Variants in GPSM2 observed in about 807,000 individuals in gnomAD.
GPSM2 encodes the protein G protein-signaling modulator 2.
In GPSM2, 58 loss-of-function variants were observed where a neutral mutation model predicts 78.4. The observed-to-expected ratio is 0.74, with a 90% CI of 0.60 to 0.92. GPSM2 has a LOEUF of 0.92. GPSM2 is among the 40% of genes least tolerant of loss of function. GPSM2 has a pLI of 0.00. For missense variants in GPSM2, 700 were observed against 815.5 expected (o/e 0.86, Z 1.73); for synonymous variants, 224 against 280.2 (o/e 0.80, Z 2.00).
At position 108,925,007 on chromosome 1, in the gene GPSM2, CAGTG is replaced by C. The variant is rs1651016620; in HGVS notation, c.1815+796_1815+799del. Among the ~76,000 whole-genome samples the C allele has an allele frequency of 2.0e-5, 3 of 152,222 alleles. No homozygotes were observed. In the South Asian group the frequency reaches 6.2e-4, roughly 32 times the overall value. The stretch of plus-strand genomic sequence containing the variant: ...TTGGTGATATGGACTAGAGTGGTAA[CAGTG>C]AGAAGTAGTTAGCATAGGGCTACAT... On this transcript the variant is annotated intron_variant, in intron 14 of 14. Transcript: ENST00000264126.
At chr1:108,894,983 A>G in intron 2 of GPSM2, among the ~76,000 whole-genome samples, 1 of 151,618 alleles carries the variant, frequency 6.6e-6, no homozygotes, top group East Asian at 1.9e-4. Flanking sequence ...CAGCACTCAC[A>G]AAAACATGTT....
At position 108,930,036 on chromosome 1, in the gene GPSM2, C is replaced by A. The variant is rs905967634; in HGVS notation, c.*96C>A. On this transcript the variant is annotated 3_prime_UTR_variant, in exon 15 of 15. Coordinates refer to ENST00000264126, the MANE Select transcript of GPSM2 (RefSeq NM_013296.5). ...GAGAATTTATAGCACTGTAATACAG[C>A]TTAAAATATTTTTAGAATGATGTAA... 9.3e-7 allele frequency: 1 copy of A among 1,079,226 alleles called. No homozygotes were observed. Among genetic ancestry groups the A allele is most frequent in the African/African-American group, 1.6e-5 (1 of 63,392 alleles). 66.9% of individuals were successfully genotyped at this position (1,079,226 alleles called of 1,614,324 possible).
intron 10 of GPSM2, among the ~76,000 whole-genome samples, chr1:108,908,051 C>G (rs980419447): frequency 6.6e-6 from 1 of 152,324 alleles, no homozygotes; most frequent in East Asian, 1.9e-4. Context: ...TAAAATGAGT[C>G]TTATGAGTTG....
chr1:108,905,500 G>A (rs1307765956), intron 10 of GPSM2, among the ~76,000 whole-genome samples: 3 of 152,070 alleles, frequency 2.0e-5, no homozygotes, highest in Non-Finnish European at 2.9e-5. Context: ...ATTTCCTATA[G>A]CCAATCATTC....
At chr1:108,929,125 G>C (rs575569639) in intron 14 of GPSM2, among the ~76,000 whole-genome samples, 2 of 152,172 alleles carry the variant, frequency 1.3e-5, no homozygotes, top group African/African-American at 4.8e-5. Context: ...GGTATCTATT[G>C]CAACTGCCCA....
chr1:108,920,378 A>G (rs2101534953), intron 12 of GPSM2, among the ~76,000 whole-genome samples: 1 of 151,832 alleles, frequency 6.6e-6, no homozygotes, highest in South Asian at 2.1e-4. Flanking sequence ...CTGAGGCAGG[A>G]GAATTGCTTC....
intron 2 of GPSM2, among the ~76,000 whole-genome samples, chr1:108,889,205 C>T (rs546138607): frequency 3.3e-5 from 5 of 152,284 alleles, no homozygotes; most frequent in African/African-American, 1.2e-4. Context: ...CTCGAGAGTA[C>T]ACTGAACAAA....
chr1:108,916,304 ATTC>A (rs1650227126), intron 11 of GPSM2, among the ~76,000 whole-genome samples: 1 of 151,978 alleles, frequency 6.6e-6, no homozygotes, highest in Non-Finnish European at 1.5e-5. Context: ...GTCATTAAAT[ATTC>A]TTCTGCCCTA....
chr1:108,896,993 C>T lies in GPSM2; in HGVS notation c.186C>T (p.Ser62=), dbSNP rs199575734. ...GAACTGAAGACCTAAAAACACTTAG[C>T]GCTATTTACAGCCAGTTGGGCAATG... is the stretch of plus-strand genomic sequence containing the variant. The part of the protein sequence containing the change: ...QVGTEDLKTL[S]AIYSQLGNAY... The change falls in exon 3 of 15, where the codon AGC becomes AGT. Residue 62 remains serine, a synonymous_variant. Transcript: ENST00000264126. 2.1e-4 allele frequency: 338 copies of T among 1,613,760 alleles called. 4 individuals carry two copies. In the South Asian group the frequency reaches 3.2e-3, roughly 16 times the overall value.
At chr1:108,922,601 G>A (rs371998231) in intron 13 of GPSM2, 25 bp downstream of exon 13, 13 of 1,553,672 alleles carry the variant, frequency 8.4e-6, no homozygotes, top group African/African-American at 1.4e-5. Context: ...TTTCTCCCCC[G>A]ATTTTAATAG....
chr1:108,878,729 T>TA (rs1665749619), intron 1 of GPSM2, among the ~76,000 whole-genome samples: 1 of 152,220 alleles, frequency 6.6e-6, no homozygotes, highest in Non-Finnish European at 1.5e-5. Flanking sequence ...TAATAACAGT[T>TA]ACTGTTATTA....
chr1:108,892,869 G>T (rs1648069354), intron 2 of GPSM2, among the ~76,000 whole-genome samples: 1 of 152,112 alleles, frequency 6.6e-6, no homozygotes, highest in African/African-American at 2.4e-5. Flanking sequence ...ACCAGAGCCT[G>T]AATCTATCTA....
intron 10 of GPSM2, among the ~76,000 whole-genome samples, chr1:108,913,250 A>T (rs12038528): frequency 0.025 from 3,777 of 152,316 alleles, 79 homozygotes; most frequent in South Asian, 0.058. Flanking sequence ...GTTCATGTAC[A>T]CTGAGAGACG....
chr1:108,930,033 C>G lies in GPSM2; in HGVS notation c.*93C>G. The G allele has an allele frequency of 9.1e-7, 1 of 1,096,992 alleles. No individual in the cohort carries two copies. 68.0% of individuals were successfully genotyped at this position (1,096,992 alleles called of 1,614,324 possible). ...AAGGAGAATTTATAGCACTGTAATACAGCTTAAAATATTTTTAGAATGATG... is the reference window on the plus strand; with the variant it reads ...AAGGAGAATTTATAGCACTGTAATAGAGCTTAAAATATTTTTAGAATGATG... On this transcript the variant is annotated 3_prime_UTR_variant, in exon 15 of 15. Coordinates refer to ENST00000264126, the MANE Select transcript of GPSM2 (RefSeq NM_013296.5).
In GPSM2 at chr1:108,922,278, T is replaced by C. The variant is rs907155886; in HGVS notation, c.1441-139T>C. The C allele has an allele frequency of 1.5e-5, 10 of 656,290 alleles. No homozygotes were observed. In the South Asian group the frequency reaches 1.8e-4, roughly 12 times the overall value. The allele number at this position is 656,290 out of a possible 1,614,324, so 40.7% of individuals were successfully genotyped here. On this transcript the variant is annotated intron_variant, in intron 12 of 14. Coordinates refer to ENST00000264126, the MANE Select transcript of GPSM2 (RefSeq NM_013296.5). Reference sequence around the variant, plus strand: ...AACATTTTATTACCAATATTTGCCATCTTGTATTCTTTTTCAAAATGTCAA... The same window carrying C: ...AACATTTTATTACCAATATTTGCCACCTTGTATTCTTTTTCAAAATGTCAA...
chr1:108,899,606 T>C (rs546553535), intron 7 of GPSM2, among the ~76,000 whole-genome samples: 5 of 152,324 alleles, frequency 3.3e-5, no homozygotes, highest in East Asian at 1.9e-4. Context: ...CTCTTATCAG[T>C]AGATTTGAGA....
rs1265416821 is a variant in GPSM2, at chr1:108,927,234, A to G, written c.1816-2467A>G. Among the ~76,000 whole-genome samples the G allele has an allele frequency of 2.0e-5, 3 of 152,208 alleles. No individual in the cohort carries two copies. In the East Asian group the frequency reaches 5.8e-4, roughly 29 times the overall value. On this transcript the variant is annotated intron_variant, in intron 14 of 14. Coordinates refer to ENST00000264126, the MANE Select transcript of GPSM2 (RefSeq NM_013296.5). Reference sequence around the variant, plus strand: ...TCGATACTATCCAAAGTGACCTACAAATTCAGTGCAATCCCTGTAAAAATC... The same window carrying G: ...TCGATACTATCCAAAGTGACCTACAGATTCAGTGCAATCCCTGTAAAAATC...
chr1:108,896,927 C>T lies in GPSM2; in HGVS notation c.120C>T (p.Cys40=), dbSNP rs1368829536. Residue 40 remains cysteine, a synonymous_variant, in exon 3 of 15, where the codon TGC becomes TGT. Coordinates refer to ENST00000264126, the MANE Select transcript of GPSM2 (RefSeq NM_013296.5). ...EGERLCKSGD[C]RAGVSFFEAA... ...AACGTCTATGTAAATCAGGAGACTGCCGCGCTGGCGTGTCATTCTTTGAAG... is the reference window on the plus strand; with the variant it reads ...AACGTCTATGTAAATCAGGAGACTGTCGCGCTGGCGTGTCATTCTTTGAAG... 2 of 1,614,148 alleles carry T rather than the reference C, an allele frequency of 1.2e-6. No homozygotes were observed. Among genetic ancestry groups the T allele is most frequent in the Admixed American group, 3.3e-5 (2 of 60,028 alleles).
At chr1:108,891,058 A>G (rs563346460) in intron 2 of GPSM2, among the ~76,000 whole-genome samples, 31 of 152,202 alleles carry the variant, frequency 2.0e-4, no homozygotes, top group Non-Finnish European at 4.3e-4. Flanking sequence ...TTGGAAGAGT[A>G]ACGATCAGAG....
Sources: allele counts gnomAD v4.1 joint callset (sites outside exome capture counted in the v4.1 genomes callset), GRCh38; gene constraint gnomAD v4.1.1; transcripts MANE v1.5; gene names NCBI Gene and HGNC (gene_info 2026-07-23, HGNC 2026-07-21).